SP1: variants seen among roughly 807,000 people sequenced by gnomAD.
SP1 encodes the protein transcription factor Sp1.
In SP1, 6 loss-of-function variants were observed where a neutral mutation model predicts 66.3. The observed-to-expected ratio is 0.09, with a 90% CI of 0.05 to 0.18. The LOEUF is 0.18. SP1 is among the 10% of genes least tolerant of loss of function. The probability of loss-of-function intolerance (pLI) is 1.00; values close to 1 mark genes in which losing one functional copy is unlikely to be tolerated. For missense variants in SP1, 848 were observed against 964.5 expected (o/e 0.88, Z 1.60); for synonymous variants, 417 against 360.8 (o/e 1.16, Z -1.77).
Position 53,382,573 on chromosome 12 carries a change from G to C in SP1, c.626G>C (p.Gly209Ala), listed in dbSNP as rs1400106676. ...TCTGGTCAAATACAGATCATACCAG[G>C]TGCAAACCAACAGATTATCACAAAT... ...DGSGQIQIIP[G>A]ANQQIITNRG... is the part of the protein sequence containing the mutation. The change falls in exon 3 of 6, where the codon GGT becomes GCT. Residue 209 changes from glycine to alanine, a missense_variant. Gly to Ala is a moderately conservative substitution (Grantham distance 60, BLOSUM62 0). Transcript: ENST00000327443. 1 of 1,614,014 alleles carries C rather than the reference G, an allele frequency of 6.2e-7. No individual in the cohort carries two copies. The highest frequency in any genetic ancestry group is 1.3e-5 in the African/African-American group (1 of 74,896).
intron 1 of SP1, chr12:53,380,791 C>G (rs1157955851): frequency 2.6e-6 from 1 of 378,858 alleles, no homozygotes; most frequent in African/African-American, 2.2e-5. Flanking sequence ...CGAAACCGCC[C>G]TTTCCCTCAG....
chr12:53,415,146 T>G lies in SP1; in HGVS notation c.*3906T>G, dbSNP rs115917121. 21 of 152,558 alleles carry G rather than the reference T, an allele frequency of 1.4e-4. No individual in the cohort carries two copies. Among genetic ancestry groups the G allele is most frequent in the African/African-American group, 5.1e-4 (21 of 41,510 alleles). The allele number at this position is 152,558 out of a possible 1,614,324, so 9.5% of individuals were successfully genotyped here. On this transcript the variant is annotated 3_prime_UTR_variant, in exon 6 of 6. Coordinates refer to ENST00000327443, the MANE Select transcript of SP1 (RefSeq NM_138473.3). ...GCACTTCTCCAACCCCGGAAAACAT[T>G]GCTTTTGAAAACTGCTGATAAAATA...
rs1231234124 is a variant in SP1 at position 53,410,191 on chromosome 12, G to A, written c.2044+630G>A. Among the ~76,000 whole-genome samples, 3 of 151,808 alleles carry A rather than the reference G, an allele frequency of 2.0e-5. No individual in the cohort carries two copies. In the South Asian group the frequency reaches 6.2e-4, roughly 32 times the overall value. ...GTGCTGGTGCACACCTGTAATCCCAGCTACTCAGGAGGCTGAGGCAGGAGA... is the reference window on the plus strand; with the variant it reads ...GTGCTGGTGCACACCTGTAATCCCAACTACTCAGGAGGCTGAGGCAGGAGA... On this transcript the variant is annotated intron_variant, in intron 5 of 5. Transcript: ENST00000327443.
In SP1 at chr12:53,412,704, GT is replaced by G. The variant is rs1464862112; in HGVS notation, c.*1468del. On this transcript the variant is annotated 3_prime_UTR_variant, in exon 6 of 6. Coordinates refer to ENST00000327443, the MANE Select transcript of SP1 (RefSeq NM_138473.3). ...AAAAGAAATCTTGTCTTACCACAGT[GT>G]TTTATAGGAGAGATTGGGAGAAATC... The G allele has an allele frequency of 6.6e-6, 1 of 152,594 alleles. No individual in the cohort carries two copies. Among genetic ancestry groups the G allele is most frequent in the Non-Finnish European group, 1.5e-5 (1 of 68,028 alleles). 9.5% of individuals were successfully genotyped at this position (152,594 alleles called of 1,614,324 possible).
At chr12:53,392,701 G>T (rs1938383345) in intron 3 of SP1, among the ~76,000 whole-genome samples, 1 of 150,782 alleles carries the variant, frequency 6.6e-6, no homozygotes, top group South Asian at 2.1e-4. Context: ...CACCACGCTG[G>T]CCAGGCTGGT....
At position 53,383,301 on chromosome 12, in the gene SP1, C is replaced by G. The variant is rs1938151917; in HGVS notation, c.1354C>G (p.Arg452Gly). ...TCCAAACTCTGGTCCCATCATCATC[C>G]GGACACCAACAGTGGGGCCCAATGG... ...AVPNSGPIII[R>G]TPTVGPNGQV... Residue 452 changes from arginine (R) to glycine (G), a missense_variant, in exon 3 of 6, where the codon CGG becomes GGG. By Grantham distance (125) the Arg-to-Gly change is moderately radical (BLOSUM62 -2). Coordinates refer to ENST00000327443, the MANE Select transcript of SP1 (RefSeq NM_138473.3). 1 of 1,614,088 alleles carries G rather than the reference C, an allele frequency of 6.2e-7. No homozygotes were observed. The highest frequency in any genetic ancestry group is 8.5e-7 in the Non-Finnish European group (1 of 1,180,042).
Position 53,383,312 on chromosome 12 carries a change from A to G in SP1, c.1365A>G (p.Thr455=), listed in dbSNP as rs1282802537. 4 of 1,614,190 alleles carry G rather than the reference A, an allele frequency of 2.5e-6. No homozygotes were observed. The highest frequency in any genetic ancestry group is 2.2e-5 in the South Asian group (2 of 91,080). ...GTCCCATCATCATCCGGACACCAACAGTGGGGCCCAATGGACAGGTCAGTT... is the reference window on the plus strand; with the variant it reads ...GTCCCATCATCATCCGGACACCAACGGTGGGGCCCAATGGACAGGTCAGTT... The part of the protein sequence containing the change: ...NSGPIIIRTP[T]VGPNGQVSWQ... The change falls in exon 3 of 6, where the codon ACA becomes ACG. Residue 455 remains threonine (T), a synonymous_variant. Coordinates refer to ENST00000327443, the MANE Select transcript of SP1 (RefSeq NM_138473.3).
In SP1 at chr12:53,381,818, G is replaced by A; in HGVS notation, c.162+5G>A. 6.2e-7 allele frequency: 1 copy of A among 1,610,626 alleles called. No individual in the cohort carries two copies. The highest frequency in any genetic ancestry group is 8.5e-7 in the Non-Finnish European group (1 of 1,178,948). ...AGCACTGGAGGAGGAGGGCAGGTAA[G>A]TGATAATCATAGAGTGGGGAAGGTG... On this transcript the variant is annotated splice_donor_5th_base_variant and intron_variant, in intron 2 of 5. Coordinates refer to ENST00000327443, the MANE Select transcript of SP1 (RefSeq NM_138473.3).
intron 3 of SP1, among the ~76,000 whole-genome samples, chr12:53,394,064 A>T (rs1938414936): frequency 6.6e-6 from 1 of 151,922 alleles, no homozygotes; most frequent in South Asian, 2.1e-4. Context: ...AAAAATACAA[A>T]ATTAGCCCGG....
In SP1 at chr12:53,383,248, C is replaced by T; in HGVS notation, c.1301C>T (p.Thr434Ile). Residue 434 changes from threonine (T) to isoleucine (I), a missense_variant, in exon 3 of 6, where the codon ACC becomes ATC. Around this residue, in one of 7 missense-constraint regions of SP1, gnomAD observed 606 missense variants for 589.9 expected, o/e 1.03. Transcript: ENST00000327443. ...ACAACTCAAGCCATCTCCCAGGAAACCCTCCAGAACCTCCAGCTTCAGGCT... is the reference window on the plus strand; with the variant it reads ...ACAACTCAAGCCATCTCCCAGGAAATCCTCCAGAACCTCCAGCTTCAGGCT... ...TFTTQAISQE[T>I]LQNLQLQAVP... The T allele has an allele frequency of 6.2e-7, 1 of 1,614,238 alleles. No individual in the cohort carries two copies. The highest frequency in any genetic ancestry group is 8.5e-7 in the Non-Finnish European group (1 of 1,180,042).
In SP1 at chr12:53,411,446, T is replaced by G. The variant is rs1938883481; in HGVS notation, c.*206T>G. Reference sequence around the variant, plus strand: ...AGTGCCTCTTTGAAGGTGGGAAACATTAGTGAAAATTCTGTTGGTGCCACG... The same window carrying G: ...AGTGCCTCTTTGAAGGTGGGAAACAGTAGTGAAAATTCTGTTGGTGCCACG... On this transcript the variant is annotated 3_prime_UTR_variant, in exon 6 of 6. Transcript: ENST00000327443. 1 of 487,774 alleles carries G rather than the reference T, an allele frequency of 2.1e-6. No individual in the cohort carries two copies. Among genetic ancestry groups the G allele is most frequent in the African/African-American group, 2.0e-5 (1 of 50,584 alleles). The allele number at this position is 487,774 out of a possible 1,614,324, so 30.2% of individuals were successfully genotyped here. A position where few individuals can be genotyped will look rare whatever the true frequency, so the allele number is the denominator to read the frequency against.
chr12:53,391,717 T>C (rs1437394950), intron 3 of SP1, among the ~76,000 whole-genome samples: 1 of 151,704 alleles, frequency 6.6e-6, no homozygotes, highest in Non-Finnish European at 1.5e-5. Context: ...GTCATGAGCA[T>C]AGCAACCCAA....
At chr12:53,406,542 C>T in intron 3 of SP1, 43 bp from the exon 4 acceptor site, 8 of 1,579,242 alleles carry the variant, frequency 5.1e-6, no homozygotes, top group Non-Finnish European at 7.0e-6. Flanking sequence ...CCAGTGATAA[C>T]CTGCCCATGT....
chr12:53,398,108 A>G (rs1007104564), intron 3 of SP1, among the ~76,000 whole-genome samples: 3 of 152,200 alleles, frequency 2.0e-5, no homozygotes, highest in Non-Finnish European at 4.4e-5. Context: ...ACTTCTGCTT[A>G]TAGAAGTAGG....
At chr12:53,380,898 ACTT>A (rs1181972803) in intron 1 of SP1, among the ~76,000 whole-genome samples, 3 of 143,308 alleles carry the variant, frequency 2.1e-5, no homozygotes, top group African/African-American at 5.2e-5. Context: ...CACACTTTTT[ACTT>A]CTTTTTCCCC....
At position 53,406,624 on chromosome 12, in the gene SP1, G is replaced by A; in HGVS notation, c.1715G>A (p.Gly572Asp). The change falls in exon 4 of 6, where the codon GGT becomes GAT. Residue 572 changes from glycine (G) to aspartate (D), a missense_variant. Gly to Asp is a moderately conservative substitution (Grantham distance 94). Coordinates refer to ENST00000327443, the MANE Select transcript of SP1 (RefSeq NM_138473.3). The part of the protein sequence containing the change: ...GAQLGLHGAG[G>D]DGIHDDTAGG... The stretch of plus-strand genomic sequence containing the variant: ...CAGCTTGGTCTCCATGGGGCTGGTG[G>A]TGATGGAATACATGATGACACAGCA... 1 of 1,614,042 alleles carries A rather than the reference G, an allele frequency of 6.2e-7. No homozygotes were observed. Among genetic ancestry groups the A allele is most frequent in the Admixed American group, 1.7e-5 (1 of 59,996 alleles).
At chr12:53,398,378 G>T (rs947562800) in intron 3 of SP1, among the ~76,000 whole-genome samples, 1 of 152,116 alleles carries the variant, frequency 6.6e-6, no homozygotes, top group Non-Finnish European at 1.5e-5. Flanking sequence ...TGCCTCCCGG[G>T]TTCAAGCAAT....
chr12:53,403,149 A>G (rs140115811), intron 3 of SP1, among the ~76,000 whole-genome samples: 5 of 151,988 alleles, frequency 3.3e-5, no homozygotes, highest in Admixed American at 1.3e-4. Context: ...AAAGAATTGG[A>G]AGGAAAGCAC....
At chr12:53,382,000 T>C in intron 2 of SP1, 110 bp from the exon 3 acceptor site, 1 of 1,211,092 alleles carries the variant, frequency 8.3e-7, no homozygotes. Context: ...TTTTTGTTTC[T>C]GTTTTTTGCT....
Sources: gnomAD v4.1 joint callset for allele counts (sites outside exome capture counted in the v4.1 genomes callset) on GRCh38, gnomAD v4.1.1 for gene constraint, gnomAD v4.1.1 regional missense constraint, MANE v1.5 for transcripts, NCBI Gene and HGNC (gene_info 2026-07-23, HGNC 2026-07-21) for gene names.